Variants in POR observed in about 807,000 individuals in gnomAD.
POR encodes NADPH--cytochrome P450 reductase.
Under a neutral mutation model 84.0 loss-of-function variants are expected in POR, and 56 were observed. That is an observed-to-expected ratio of 0.67 (90% confidence interval 0.54 to 0.83). POR has a LOEUF of 0.83. Ranked by LOEUF, POR falls within the 40% of genes least tolerant of loss-of-function variation. The pLI, the probability that POR is intolerant of heterozygous loss-of-function variation, is 0.00. For missense variants in POR, 938 were observed against 944.3 expected (o/e 0.99, Z 0.09); for synonymous variants, 414 against 400.5 (o/e 1.03, Z -0.40).
chr7:75,979,697 C>T, intron 4 of POR, 118 bp downstream of exon 4: 1 of 1,420,530 alleles, frequency 7.0e-7, no homozygotes, highest in Non-Finnish European at 9.5e-7. Context: ...GGGAAGACGT[C>T]CTCGGAAGTT....
chr7:75,916,609 AG>A (rs1180321955), intron 1 of POR, among the ~76,000 whole-genome samples: 1 of 152,200 alleles, frequency 6.6e-6, no homozygotes, highest in Non-Finnish European at 1.5e-5. Context: ...TATTATAAAA[AG>A]TATTTGTACA....
At chr7:75,976,251 AT>A (rs1788681270) in intron 3 of POR, among the ~76,000 whole-genome samples, 1 of 152,078 alleles carries the variant, frequency 6.6e-6, no homozygotes, top group South Asian at 2.1e-4. Flanking sequence ...ATTTTAAAAT[AT>A]CCTTTTGGGC....
chr7:75,976,164 A>G (rs1273047650), intron 3 of POR, among the ~76,000 whole-genome samples: 2 of 152,108 alleles, frequency 1.3e-5, no homozygotes, highest in Non-Finnish European at 2.9e-5. Context: ...TTTAGCTGCT[A>G]TCTTAGGTCA....
At chr7:75,980,293 C>T (rs782537169) in intron 4 of POR, 46 bp from the exon 5 acceptor site, 85 of 1,588,472 alleles carry the variant, frequency 5.4e-5, no homozygotes, top group Non-Finnish European at 6.8e-5. Context: ...GAACCTTGAA[C>T]AGGCTCAGTC....
intron 3 of POR, among the ~76,000 whole-genome samples, chr7:75,973,993 A>G (rs1445748380): frequency 6.6e-6 from 1 of 152,134 alleles, no homozygotes; most frequent in African/African-American, 2.4e-5. Flanking sequence ...TGCTTTAAAA[A>G]AAAAAGAACA....
At chr7:75,968,305 T>C (rs1373260919) in intron 2 of POR, 2 of 467,610 alleles carry the variant, frequency 4.3e-6, no homozygotes, top group Non-Finnish European at 8.8e-6. Flanking sequence ...TTGCTGCCCC[T>C]GTCTCTGGCG....
intron 1 of POR, among the ~76,000 whole-genome samples, chr7:75,939,024 A>G (rs149054645): frequency 1.7e-4 from 26 of 151,806 alleles, no homozygotes; most frequent in African/African-American, 5.1e-4. Flanking sequence ...TTCCAGCTCT[A>G]TTTCCCCTGC....
chr7:75,973,515 G>A lies in POR; in HGVS notation c.237+1054G>A, dbSNP rs782397503. Among the ~76,000 whole-genome samples, 97 of 151,138 alleles carry A rather than the reference G, an allele frequency of 6.4e-4. 1 individual carries two copies. Among genetic ancestry groups the A allele is most frequent in the South Asian group, 2.1e-4 (1 of 4,766 alleles). On this transcript the variant is annotated intron_variant, in intron 3 of 15. Coordinates refer to ENST00000461988, the MANE Select transcript of POR (RefSeq NM_000941.3). ...TTATTCTTCATAGGAACAGGTTCTCGCTATGTTGCCCAGGCTGGTCTTGAA... is the reference window on the plus strand; with the variant it reads ...TTATTCTTCATAGGAACAGGTTCTCACTATGTTGCCCAGGCTGGTCTTGAA...
intron 2 of POR, among the ~76,000 whole-genome samples, chr7:75,965,822 T>A (rs1392896457): frequency 1.3e-5 from 2 of 151,792 alleles, no homozygotes; most frequent in Non-Finnish European, 2.9e-5. Context: ...TCGGGGGGAA[T>A]GAGGGAGCGG....
intron 2 of POR, among the ~76,000 whole-genome samples, chr7:75,968,732 C>T (rs1428805045): frequency 6.6e-6 from 1 of 152,242 alleles, no homozygotes. Context: ...GGACCACTCA[C>T]ACTTCCTGGG....
intron 1 of POR, among the ~76,000 whole-genome samples, chr7:75,944,810 T>C (rs540084237): frequency 1.3e-3 from 194 of 152,254 alleles, no homozygotes; most frequent in Middle Eastern, 3.4e-3. Flanking sequence ...AGAGAATCCA[T>C]GAACTTGAAG....
intron 1 of POR, among the ~76,000 whole-genome samples, chr7:75,924,417 C>T (rs576245315): frequency 6.6e-6 from 1 of 152,298 alleles, no homozygotes; most frequent in African/African-American, 2.4e-5. Context: ...CACAGTGGCT[C>T]ATGCTTATAA....
chr7:75,980,240 G>A, intron 4 of POR, 99 bp from the exon 5 acceptor site: 1 of 1,422,438 alleles, frequency 7.0e-7, no homozygotes, highest in East Asian at 2.4e-5. Context: ...CTGGCCTGGT[G>A]CCACCCTGGG....
intron 8 of POR, among the ~76,000 whole-genome samples, chr7:75,982,800 C>T (rs1554558317): frequency 6.6e-6 from 1 of 152,250 alleles, no homozygotes; most frequent in African/African-American, 2.4e-5. Context: ...CCTGCCCCAG[C>T]CTGGCTGGAG....
chr7:75,948,619 T>G (rs1020660366), intron 1 of POR, among the ~76,000 whole-genome samples: 1 of 152,188 alleles, frequency 6.6e-6, no homozygotes, highest in African/African-American at 2.4e-5. Flanking sequence ...GTTTTCAGAT[T>G]ATAAAGGCAT....
At position 75,969,554 on chromosome 7, in the gene POR, G is replaced by T. The variant is rs111976325; in HGVS notation, c.189-2859G>T. Among the ~76,000 whole-genome samples, 218 of 152,336 alleles carry T rather than the reference G, an allele frequency of 1.4e-3. 8 individuals carry two copies. The South Asian group carries it at 0.039, about 27-fold the overall frequency. ...GTGTTACCCGCCAGGCACTCACGGG[G>T]CACTGGAGTTTGCTCTTGTCCTTTT... is the stretch of plus-strand genomic sequence containing the variant. On this transcript the variant is annotated intron_variant, in intron 2 of 15. Coordinates refer to ENST00000461988, the MANE Select transcript of POR (RefSeq NM_000941.3).
At chr7:75,923,419 C>T (rs1418961487) in intron 1 of POR, 1 of 640,322 alleles carries the variant, frequency 1.6e-6, no homozygotes, top group African/African-American at 1.8e-5. Flanking sequence ...GTGTGTGCAT[C>T]AATCAGCTCA....
Position 75,972,440 on chromosome 7 carries a change from T to G in POR, c.216T>G (p.Phe72Leu), listed in dbSNP as rs1554556319. ...CCTCCTCTGTCAGAGAGAGCAGCTT[T>G]GTGGAAAAGATGAAGAAAACGGTGA... The change falls in exon 3 of 16, where the codon TTT becomes TTG. Residue 72 changes from phenylalanine to leucine, a missense_variant. Transcript: ENST00000461988. 1 of 1,609,762 alleles carries G rather than the reference T, an allele frequency of 6.2e-7. No individual in the cohort carries two copies. The highest frequency in any genetic ancestry group is 2.2e-5 in the East Asian group (1 of 44,814).
rs541125431 is a variant in POR, at chr7:75,958,479, G to A, written c.188+4299G>A. 3.9e-5 allele frequency among the ~76,000 whole-genome samples: 6 copies of A among 151,988 alleles called. 1 individual carries two copies. The highest frequency in any genetic ancestry group is 5.9e-5 in the Non-Finnish European group (4 of 68,004). The stretch of plus-strand genomic sequence containing the variant: ...TCCAGTCTTACAAGAGCCCTTCCAC[G>A]AAGACATGAGCAGCCCATTTTGCGG... On this transcript the variant is annotated intron_variant, in intron 2 of 15. Coordinates refer to ENST00000461988, the MANE Select transcript of POR (RefSeq NM_000941.3).
Sources: allele counts gnomAD v4.1 joint callset (sites outside exome capture counted in the v4.1 genomes callset), GRCh38; gene constraint gnomAD v4.1.1; transcripts MANE v1.5; gene names NCBI Gene and HGNC (gene_info 2026-07-23, HGNC 2026-07-21).